Variants in CORO2B observed in about 807,000 individuals in gnomAD.
The protein encoded by CORO2B is coronin 2B.
Under a neutral mutation model 58.8 loss-of-function variants are expected in CORO2B, and 26 were observed. That is an observed-to-expected ratio of 0.44 (90% confidence interval 0.32 to 0.61). The LOEUF (loss-of-function observed/expected upper bound fraction) is 0.61. Ranked by LOEUF, CORO2B falls within the 20% of genes least tolerant of loss-of-function variation. CORO2B has a pLI of 0.04. For missense variants in CORO2B, 460 were observed against 645.1 expected (o/e 0.71, Z 3.11); for synonymous variants, 242 against 253.8 (o/e 0.95, Z 0.44).
chr15:68,531,218 C>A, the CORO2B span, among the ~76,000 whole-genome samples: 1 of 152,134 alleles, frequency 6.6e-6, no homozygotes, highest in South Asian at 2.1e-4. Flanking sequence ...TGCTGGCTCA[C>A]GCCTATAATC....
At chr15:68,589,293 G>A (rs139221067) in intron 1 of CORO2B, among the ~76,000 whole-genome samples, 156 of 152,364 alleles carry the variant, frequency 1.0e-3, no homozygotes, top group Admixed American at 6.9e-3. Context: ...GCTGAAGCTA[G>A]AGATTAGGTC....
intron 7 of CORO2B, 74 bp downstream of exon 7, chr15:68,714,737 C>G (rs892680960): frequency 2.6e-6 from 3 of 1,157,418 alleles, no homozygotes; most frequent in African/African-American, 3.0e-5. Flanking sequence ...TGCACCTGCC[C>G]CACCCCCTGG....
At chr15:68,540,383 T>C in the CORO2B span, among the ~76,000 whole-genome samples, 1 of 152,254 alleles carries the variant, frequency 6.6e-6, no homozygotes, top group Non-Finnish European at 1.5e-5. Context: ...AAATTTTGAA[T>C]TTTATAATTG....
intron 1 of CORO2B, among the ~76,000 whole-genome samples, chr15:68,609,236 G>A (rs1271962457): frequency 6.6e-6 from 1 of 152,214 alleles, no homozygotes; most frequent in African/African-American, 2.4e-5. Flanking sequence ...TGGTTGGGGG[G>A]ATGGTCACCT....
At chr15:68,662,950 G>A (rs936189807) in intron 2 of CORO2B, among the ~76,000 whole-genome samples, 3 of 151,534 alleles carry the variant, frequency 2.0e-5, no homozygotes, top group African/African-American at 7.3e-5. Context: ...TCCTAAACAG[G>A]CTAACACAGG....
At chr15:68,564,642 A>G in the CORO2B span, among the ~76,000 whole-genome samples, 1 of 152,152 alleles carries the variant, frequency 6.6e-6, no homozygotes, top group African/African-American at 2.4e-5. Flanking sequence ...TTCTTCTGGT[A>G]TAGTTTGTAT....
At chr15:68,625,997 T>C (rs979991398) in intron 1 of CORO2B, among the ~76,000 whole-genome samples, 2 of 152,230 alleles carry the variant, frequency 1.3e-5, no homozygotes, top group Non-Finnish European at 2.9e-5. Flanking sequence ...CCTGTGGATG[T>C]GCCACAGCTT....
At chr15:68,570,073 A>C in the CORO2B span, among the ~76,000 whole-genome samples, 2 of 152,232 alleles carry the variant, frequency 1.3e-5, no homozygotes, top group African/African-American at 4.8e-5. Flanking sequence ...AGAGGTGATA[A>C]GAACAACAGT....
chr15:68,626,002 C>T lies in CORO2B; in HGVS notation c.16-19158C>T, dbSNP rs186451766. On this transcript the variant is annotated intron_variant, in intron 1 of 11. Coordinates refer to ENST00000261861, the MANE Select transcript of CORO2B (RefSeq NM_006091.5). ...TGTGTTCCATCCTGTGGATGTGCCACAGCTTTTCTTCCTGGGGTAATTTAA... is the reference window on the plus strand; with the variant it reads ...TGTGTTCCATCCTGTGGATGTGCCATAGCTTTTCTTCCTGGGGTAATTTAA... Among the ~76,000 whole-genome samples the T allele has an allele frequency of 4.6e-5, 7 of 152,314 alleles. No homozygotes were observed. The East Asian group carries it at 1.4e-3, about 29-fold the overall frequency.
At chr15:68,573,342 C>T in the CORO2B span, among the ~76,000 whole-genome samples, 1 of 152,014 alleles carries the variant, frequency 6.6e-6, no homozygotes, top group Non-Finnish European at 1.5e-5. Context: ...TGGAGACAAC[C>T]ACACAGAGAG....
At chr15:68,539,463 A>G in the CORO2B span, among the ~76,000 whole-genome samples, 1 of 152,138 alleles carries the variant, frequency 6.6e-6, no homozygotes, top group Middle Eastern at 3.2e-3. Context: ...ACTTTAGCTC[A>G]GGAGCTCCAG....
intron 1 of CORO2B, among the ~76,000 whole-genome samples, chr15:68,621,034 G>A (rs1419366537): frequency 6.6e-6 from 1 of 152,230 alleles, no homozygotes; most frequent in Non-Finnish European, 1.5e-5. Context: ...TGTTCTCCTC[G>A]CCTGCTGATT....
At chr15:68,715,402 C>T in intron 8 of CORO2B, 91 bp downstream of exon 8, 3 of 924,384 alleles carry the variant, frequency 3.2e-6, no homozygotes, top group Non-Finnish European at 5.2e-6. Flanking sequence ...AGTGGAAAAT[C>T]AGACTCAGAA....
At chr15:68,597,357 A>G (rs892323972) in intron 1 of CORO2B, among the ~76,000 whole-genome samples, 9 of 152,216 alleles carry the variant, frequency 5.9e-5, no homozygotes, top group Admixed American at 5.2e-4. Flanking sequence ...TTCCAGGGGC[A>G]GTCCTAATTG....
chr15:68,553,843 C>G, the CORO2B span, among the ~76,000 whole-genome samples: 2 of 152,180 alleles, frequency 1.3e-5, no homozygotes. Flanking sequence ...GGGCCCAGAC[C>G]GTGCAGGGCC....
At chr15:68,574,973 T>C (rs185255098), upstream of CORO2B, among the ~76,000 whole-genome samples, 2 of 152,336 alleles carry the variant, frequency 1.3e-5, no homozygotes, top group African/African-American at 4.8e-5. Context: ...CAACGTCTTA[T>C]TTACCCCACA....
intron 1 of CORO2B, among the ~76,000 whole-genome samples, chr15:68,626,451 C>T (rs891650837): frequency 2.6e-5 from 4 of 152,146 alleles, no homozygotes; most frequent in Non-Finnish European, 5.9e-5. Context: ...TCCTGTCTCA[C>T]GACCTGTGGC....
the CORO2B span, among the ~76,000 whole-genome samples, chr15:68,556,599 G>A: frequency 6.6e-6 from 1 of 152,252 alleles, no homozygotes; most frequent in East Asian, 1.9e-4. Context: ...CTTGGTGTGT[G>A]GAGTGGCTGA....
At chr15:68,524,843 C>T in the CORO2B span, among the ~76,000 whole-genome samples, 6 of 152,128 alleles carry the variant, frequency 3.9e-5, no homozygotes, top group Non-Finnish European at 1.5e-5. Flanking sequence ...TATTACTTGC[C>T]GAATTGATTT....
Sources: allele counts gnomAD v4.1 joint callset (sites outside exome capture counted in the v4.1 genomes callset), GRCh38; gene constraint gnomAD v4.1.1; transcripts MANE v1.5; gene names NCBI Gene and HGNC (gene_info 2026-07-23, HGNC 2026-07-21).